Variants in TRPM3 observed in about 807,000 individuals in gnomAD.
The protein encoded by TRPM3 is transient receptor potential cation channel subfamily M member 3.
Under a neutral mutation model 181.2 loss-of-function variants are expected in TRPM3, and 77 were observed. The observed-to-expected ratio is 0.42, with a 90% CI of 0.35 to 0.51. TRPM3 has a LOEUF of 0.51. Among genes scored for constraint, TRPM3 ranks in the 20% least tolerant of loss-of-function variants. The pLI, the probability that TRPM3 is intolerant of heterozygous loss-of-function variation, is 0.01. For synonymous variants in TRPM3, 745 were observed against 796.4 expected (o/e 0.94, Z 1.09); for missense variants, 1,759 against 2,196.7 (o/e 0.80, Z 3.98).
At position 70,886,658 on chromosome 9, in the gene TRPM3, T is replaced by C. The variant is rs144552172; in HGVS notation, c.178-22147A>G. Among the ~76,000 whole-genome samples, 430 of 151,978 alleles carry C rather than the reference T, an allele frequency of 2.8e-3. 3 individuals are homozygous for C. The highest frequency in any genetic ancestry group is 9.8e-3 in the African/African-American group (407 of 41,346). On this transcript the variant is annotated intron_variant, in intron 1 of 25. Transcript: ENST00000677713. The stretch of plus-strand genomic sequence containing the variant: ...TTTTGTTTATAATGAGTCAACACTT[T>C]TTTTTCTTTTTTTCTTTTTTTTTGA...
At chr9:70,824,970 C>T (rs897130068) in intron 6 of TRPM3, 1 of 152,168 alleles carries the variant, frequency 6.6e-6, no homozygotes, top group Non-Finnish European at 1.5e-5. Context: ...TCCTGCTTTA[C>T]CTACTTCAAA....
chr9:71,209,143 C>G (rs1391447168), intron 1 of TRPM3, among the ~76,000 whole-genome samples: 1 of 151,846 alleles, frequency 6.6e-6, no homozygotes, highest in Admixed American at 6.6e-5. Context: ...ATATTATGTA[C>G]CATGATTGCT....
chr9:71,122,812 A>G (rs1050314541), upstream of TRPM3, among the ~76,000 whole-genome samples: 1 of 152,222 alleles, frequency 6.6e-6, no homozygotes, highest in African/African-American at 2.4e-5. Flanking sequence ...CAGACCATTG[A>G]CCTACCTCGT....
intron 1 of TRPM3, among the ~76,000 whole-genome samples, chr9:71,265,766 C>T (rs1443163207): frequency 6.6e-6 from 1 of 152,220 alleles, no homozygotes; most frequent in Non-Finnish European, 1.5e-5. Context: ...TTTACATTTT[C>T]CTTTCTAATA....
intron 9 of TRPM3, among the ~76,000 whole-genome samples, chr9:70,673,589 A>G (rs1396184982): frequency 6.6e-6 from 1 of 152,146 alleles, no homozygotes; most frequent in Non-Finnish European, 1.5e-5. Flanking sequence ...TTGACTTTGT[A>G]GATTGCTTTT....
intron 1 of TRPM3, among the ~76,000 whole-genome samples, chr9:71,299,606 C>T (rs995175136): frequency 6.6e-6 from 1 of 151,944 alleles, no homozygotes; most frequent in African/African-American, 2.4e-5. Flanking sequence ...GGAAACTATT[C>T]TAATTTGTTA....
At chr9:71,292,158 G>A (rs961447319) in intron 1 of TRPM3, among the ~76,000 whole-genome samples, 4 of 151,956 alleles carry the variant, frequency 2.6e-5, no homozygotes, top group South Asian at 2.1e-4. Context: ...AAAACCTGGC[G>A]AATGCTGATG....
intron 1 of TRPM3, among the ~76,000 whole-genome samples, chr9:71,076,078 A>G (rs1048583837): frequency 6.6e-6 from 1 of 152,166 alleles, no homozygotes; most frequent in African/African-American, 2.4e-5. Flanking sequence ...ATGAAAATGA[A>G]GAATGATTAG....
intron 1 of TRPM3, among the ~76,000 whole-genome samples, chr9:70,974,299 G>T (rs1004862058): frequency 2.8e-5 from 3 of 107,078 alleles, no homozygotes; most frequent in Non-Finnish European, 4.1e-5. Flanking sequence ...CAACACGTTG[G>T]CAGGTCAAGG....
chr9:71,305,336 G>A (rs2087181525), intron 1 of TRPM3, among the ~76,000 whole-genome samples: 1 of 152,136 alleles, frequency 6.6e-6, no homozygotes, highest in Non-Finnish European at 1.5e-5. Flanking sequence ...AGACATTCTA[G>A]CAAAAATAAA....
chr9:70,989,580 G>A (rs2097456754), intron 1 of TRPM3, among the ~76,000 whole-genome samples: 1 of 152,128 alleles, frequency 6.6e-6, no homozygotes, highest in African/African-American at 2.4e-5. Context: ...TTGGGGTGGG[G>A]GTAGGATGGA....
At chr9:70,761,837 A>C (rs1418647041) in intron 7 of TRPM3, 113 bp from the exon 8 acceptor site, 1 of 1,259,624 alleles carries the variant, frequency 7.9e-7, no homozygotes, top group Non-Finnish European at 1.1e-6. Context: ...GATAGGAGTT[A>C]TTTCTGTATT....
At chr9:70,680,422 A>G (rs921493311) in intron 9 of TRPM3, among the ~76,000 whole-genome samples, 3 of 152,224 alleles carry the variant, frequency 2.0e-5, no homozygotes, top group Non-Finnish European at 2.9e-5. Flanking sequence ...AATAGTTGGT[A>G]TTCTGAGTTT....
intron 1 of TRPM3, among the ~76,000 whole-genome samples, chr9:70,985,320 CCTT>C (rs2134064336): frequency 6.6e-6 from 1 of 152,208 alleles, no homozygotes; most frequent in South Asian, 2.1e-4. Context: ...TCCCTCCCTC[CCTT>C]CTTGTTGGGT....
intron 5 of TRPM3, among the ~76,000 whole-genome samples, chr9:70,832,212 C>T (rs1346960631): frequency 6.7e-6 from 1 of 149,308 alleles, no homozygotes; most frequent in East Asian, 2.0e-4. Flanking sequence ...TTAGTGGGTG[C>T]AGCGCACCAG....
At chr9:71,205,898 T>G (rs1027836273) in intron 1 of TRPM3, among the ~76,000 whole-genome samples, 2 of 152,166 alleles carry the variant, frequency 1.3e-5, no homozygotes, top group African/African-American at 4.8e-5. Flanking sequence ...CAAATGAAAG[T>G]GTGAAAGAGT....
chr9:70,765,581 G>A (rs959592537), intron 7 of TRPM3, among the ~76,000 whole-genome samples: 3 of 151,970 alleles, frequency 2.0e-5, no homozygotes, highest in African/African-American at 7.2e-5. Flanking sequence ...AGCAAAGCAC[G>A]ACTCCATCTC....
chr9:71,151,065 C>A (rs2075710233), intron 1 of TRPM3, among the ~76,000 whole-genome samples: 1 of 152,238 alleles, frequency 6.6e-6, no homozygotes, highest in East Asian at 1.9e-4. Context: ...CAAATAAATA[C>A]CAGTTAAAAA....
intron 1 of TRPM3, among the ~76,000 whole-genome samples, chr9:70,963,712 T>C (rs987637122): frequency 6.6e-6 from 1 of 152,118 alleles, no homozygotes; most frequent in Non-Finnish European, 1.5e-5. Context: ...AGAGTATGTA[T>C]TCATACTCAT....
Sources: gnomAD v4.1 joint callset for allele counts (sites outside exome capture counted in the v4.1 genomes callset) on GRCh38, gnomAD v4.1.1 for gene constraint, MANE v1.5 for transcripts, NCBI Gene and HGNC (gene_info 2026-07-23, HGNC 2026-07-21) for gene names.